Variants in KIAA0825 observed in about 807,000 individuals in gnomAD.
The protein encoded by KIAA0825 is KIAA0825.
In KIAA0825, 119 loss-of-function variants were observed where a neutral mutation model predicts 147.6. That is an observed-to-expected ratio of 0.81 (90% confidence interval 0.69 to 0.94). The LOEUF is 0.94. Among genes scored for constraint, KIAA0825 ranks in the 40% least tolerant of loss-of-function variants. The pLI is 0.00. For missense variants in KIAA0825, 1,381 were observed against 1,472.7 expected, an observed-to-expected ratio of 0.94 and a Z score of 1.02; for synonymous variants, 470 against 518.1, an observed-to-expected ratio of 0.91 and a Z score of 1.26.
Position 94,180,571 on chromosome 5 carries a change from C to T in KIAA0825, c.3711-26447G>A, listed in dbSNP as rs540622359. Among the ~76,000 whole-genome samples, 10 of 152,120 alleles carry T rather than the reference C, an allele frequency of 6.6e-5. No homozygotes were observed. In the South Asian group the frequency reaches 2.1e-3, roughly 32 times the overall value. On this transcript the variant is annotated intron_variant, in intron 20 of 20. Coordinates refer to ENST00000682413, the MANE Select transcript of KIAA0825 (RefSeq NM_001145678.3). ...AGATGTTAACATAAGGGGACTTTGGCTGAAGGGTATTTGGGAATCTACATA... is the reference window on the plus strand; with the variant it reads ...AGATGTTAACATAAGGGGACTTTGGTTGAAGGGTATTTGGGAATCTACATA...
intron 6 of KIAA0825, 60 bp from the exon 7 acceptor site, chr5:94,477,265 T>G (rs1761999502): frequency 9.0e-7 from 1 of 1,115,354 alleles, no homozygotes; most frequent in African/African-American, 1.6e-5. Context: ...GCATACTAGA[T>G]GTGATTTATA....
intron 15 of KIAA0825, among the ~76,000 whole-genome samples, chr5:94,409,906 G>C (rs544361053): frequency 4.6e-5 from 7 of 152,196 alleles, no homozygotes; most frequent in Non-Finnish European, 7.4e-5. Context: ...ACAAAATCTA[G>C]AGACTCAATA....
chr5:94,462,493 T>C lies in KIAA0825; in HGVS notation c.2140A>G (p.Asn714Asp). The change falls in exon 12 of 21, where the codon AAT becomes GAT. Residue 714 changes from asparagine (N) to aspartate (D), a missense_variant. By Grantham distance (23) the Asn-to-Asp change is conservative. Coordinates refer to ENST00000682413, the MANE Select transcript of KIAA0825 (RefSeq NM_001145678.3). ...TTATCATCTGTATGCTGATGAGGAT[T>C]CAAAAGTTTCTGTACAGATGTACAA... is the stretch of plus-strand genomic sequence containing the variant. ...SVCTSVQKLL[N>D]PHQHTDDKIF... 3 of 1,545,214 alleles carry C rather than the reference T, an allele frequency of 1.9e-6. No homozygotes were observed. The highest frequency in any genetic ancestry group is 2.6e-6 in the Non-Finnish European group (3 of 1,142,714).
chr5:94,593,813 T>C (rs2152398889), intron 1 of KIAA0825: 1 of 338,332 alleles, frequency 3.0e-6, no homozygotes, highest in South Asian at 2.7e-5. Flanking sequence ...TGGAGAATTA[T>C]TGCTTAGTTA....
chr5:94,271,687 C>T (rs1439633253), intron 20 of KIAA0825, among the ~76,000 whole-genome samples: 1 of 152,114 alleles, frequency 6.6e-6, no homozygotes, highest in Non-Finnish European at 1.5e-5. Flanking sequence ...GCAGAGGTTG[C>T]AGTGAGCTGA....
In KIAA0825 at chr5:94,396,068, A is replaced by G. The variant is rs1206514266; in HGVS notation, c.3296+33T>C. On this transcript the variant is annotated intron_variant, in intron 17 of 20. Transcript: ENST00000682413. ...GATTTTGTTATTGTGAAAGCATTTG[A>G]TGAAATCCAATAAGAGAAAAACATC... is the stretch of plus-strand genomic sequence containing the variant. 3 of 1,403,070 alleles carry G rather than the reference A, an allele frequency of 2.1e-6. No homozygotes were observed. In the African/African-American group the frequency reaches 4.4e-5, roughly 20 times the overall value. The allele number at this position is 1,403,070 out of a possible 1,614,324, so 86.9% of individuals were successfully genotyped here.
intron 19 of KIAA0825, among the ~76,000 whole-genome samples, chr5:94,385,618 C>T (rs190540628): frequency 1.8e-4 from 27 of 152,282 alleles, no homozygotes; most frequent in South Asian, 2.1e-4. Context: ...GGCAGAAAGA[C>T]GATCTTTTCA....
chr5:94,183,894 G>A (rs1769886309), intron 20 of KIAA0825, among the ~76,000 whole-genome samples: 3 of 152,198 alleles, frequency 2.0e-5, no homozygotes, highest in South Asian at 4.1e-4. Flanking sequence ...GTTTCCCTGA[G>A]TTTTATGAGC....
At chr5:94,425,856 T>A (rs538869907) in intron 14 of KIAA0825, among the ~76,000 whole-genome samples, 11 of 152,148 alleles carry the variant, frequency 7.2e-5, no homozygotes, top group African/African-American at 2.4e-4. Context: ...ATTTCTCTGA[T>A]AATTAGTGAT....
intron 20 of KIAA0825, among the ~76,000 whole-genome samples, chr5:94,262,140 A>G (rs1268662573): frequency 6.6e-6 from 1 of 152,156 alleles, no homozygotes; most frequent in Non-Finnish European, 1.5e-5. Flanking sequence ...AAATATAGGC[A>G]AAGGAATTAA....
chr5:94,579,062 C>A (rs1286261983), intron 2 of KIAA0825, among the ~76,000 whole-genome samples: 6 of 152,172 alleles, frequency 3.9e-5, no homozygotes, highest in Non-Finnish European at 8.8e-5. Flanking sequence ...GCTGGGACTA[C>A]AGGAGCGTGC....
intron 20 of KIAA0825, among the ~76,000 whole-genome samples, chr5:94,363,697 C>CA (rs894890913): frequency 6.6e-5 from 10 of 151,750 alleles, no homozygotes; most frequent in Middle Eastern, 3.2e-3. Flanking sequence ...CCCATCTCTA[C>CA]AAAAAAAATT....
chr5:94,506,629 T>C (rs1405569383), intron 5 of KIAA0825, among the ~76,000 whole-genome samples: 1 of 152,226 alleles, frequency 6.6e-6, no homozygotes, highest in East Asian at 1.9e-4. Flanking sequence ...TGGTTTTCAA[T>C]GGCAGGTTCT....
In KIAA0825 at chr5:94,477,180, C is replaced by T. The variant is rs10057902; in HGVS notation, c.1158G>A (p.Glu386=). Reference sequence around the variant, plus strand: ...TTGCTCTAGGTTTTTCCATTACAACCTCTCTATCGGATTTCTCCAAAATTC... The same window carrying T: ...TTGCTCTAGGTTTTTCCATTACAACTTCTCTATCGGATTTCTCCAAAATTC... ...TSGILEKSDR[E]VVMEKPRANE... Residue 386 remains glutamate, a synonymous_variant, in exon 7 of 21, where the codon GAG becomes GAA. Transcript: ENST00000682413. 63,755 of 1,548,722 alleles carry T rather than the reference C, an allele frequency of 0.041. 4,306 individuals carry two copies. Among genetic ancestry groups the T allele is most frequent in the African/African-American group, 0.29 (21,228 of 72,236 alleles).
At chr5:94,618,412 T>A (rs2152457345) in intron 1 of KIAA0825, 88 bp downstream of exon 1, 1 of 152,516 alleles carries the variant, frequency 6.6e-6, no homozygotes, top group East Asian at 1.9e-4. Flanking sequence ...CCTCGCCCAC[T>A]CACTTCTCGG....
chr5:94,482,112 AAAC>A (rs756314041), intron 6 of KIAA0825, among the ~76,000 whole-genome samples: 9 of 152,068 alleles, frequency 5.9e-5, no homozygotes, highest in Non-Finnish European at 1.3e-4. Context: ...AATCATGACC[AAAC>A]AAAAGCAAAT....
intron 6 of KIAA0825, among the ~76,000 whole-genome samples, chr5:94,478,374 C>T (rs1267255188): frequency 6.6e-6 from 1 of 151,976 alleles, no homozygotes; most frequent in Non-Finnish European, 1.5e-5. Context: ...TTTGTGAACA[C>T]TCTAAGAACA....
intron 4 of KIAA0825, among the ~76,000 whole-genome samples, chr5:94,522,890 G>T (rs572256496): frequency 2.0e-5 from 3 of 151,640 alleles, no homozygotes; most frequent in Non-Finnish European, 3.0e-5. Context: ...AAATGAGAAA[G>T]CATTATTACA....
chr5:94,288,106 A>C (rs1433187047), intron 20 of KIAA0825, among the ~76,000 whole-genome samples: 2 of 152,172 alleles, frequency 1.3e-5, no homozygotes, highest in Non-Finnish European at 2.9e-5. Flanking sequence ...AGGTCAACCC[A>C]ATTCTGCTTT....
Sources: allele counts gnomAD v4.1 joint callset (sites outside exome capture counted in the v4.1 genomes callset), GRCh38; gene constraint gnomAD v4.1.1; transcripts MANE v1.5; gene names NCBI Gene and HGNC (gene_info 2026-07-23, HGNC 2026-07-21).